The following ARPP21 variants were observed in gnomAD, a reference collection of about 807,000 sequenced individuals.
ARPP21 encodes the protein cAMP regulated phosphoprotein 21, also known as cAMP-regulated phosphoprotein 21.
A neutral mutation model predicts 113.2 loss-of-function variants in ARPP21; 69 were observed. That is an observed-to-expected ratio of 0.61 (90% CI 0.50 to 0.74). The LOEUF (loss-of-function observed/expected upper bound fraction) is 0.74, where lower values mean the gene tolerates loss of function less well. Ranked by LOEUF, ARPP21 falls within the 30% of genes least tolerant of loss-of-function variation. The probability of loss-of-function intolerance (pLI) is 0.00; values close to 1 mark genes in which losing one functional copy is unlikely to be tolerated. For missense variants in ARPP21, 1,070 were observed against 1,037.4 expected, an observed-to-expected ratio of 1.03 and a Z score of -0.43; for synonymous variants, 368 against 375.5, an observed-to-expected ratio of 0.98 and a Z score of 0.23.
intron 19 of ARPP21, among the ~76,000 whole-genome samples, chr3:35,789,513 C>A (rs1233935671): frequency 6.6e-6 from 1 of 151,288 alleles, no homozygotes. Context: ...CTAAAGTTTT[C>A]ATTTTGAAAT....
chr3:35,653,549 C>A (rs1438356070), intron 1 of ARPP21, among the ~76,000 whole-genome samples: 1 of 152,006 alleles, frequency 6.6e-6, no homozygotes, highest in Non-Finnish European at 1.5e-5. Flanking sequence ...CACGGACTAT[C>A]AGCTCCTGAT....
At chr3:35,685,239 T>C in intron 5 of ARPP21, 1 of 985,280 alleles carries the variant, frequency 1.0e-6, no homozygotes, top group Non-Finnish European at 1.2e-6. Context: ...TGGACCTAAG[T>C]CTAGTGTATC....
intron 19 of ARPP21, among the ~76,000 whole-genome samples, chr3:35,786,988 T>C (rs1577049906): frequency 6.6e-6 from 1 of 152,132 alleles, no homozygotes; most frequent in Non-Finnish European, 1.5e-5. Context: ...GTGCTATCAA[T>C]AGATGAAGCT....
At chr3:35,743,015 T>C (rs142033760) in intron 18 of ARPP21, among the ~76,000 whole-genome samples, 186 of 152,350 alleles carry the variant, frequency 1.2e-3, no homozygotes, top group African/African-American at 4.1e-3. Context: ...TTCTCAGTCA[T>C]AAGAAAGTTA....
At chr3:35,691,987 C>T (rs528634799) in intron 9 of ARPP21, among the ~76,000 whole-genome samples, 16 of 151,572 alleles carry the variant, frequency 1.1e-4, no homozygotes, top group African/African-American at 3.1e-4. Flanking sequence ...GGAGATGAGG[C>T]GCTTTCTCAA....
At chr3:35,753,787 A>G (rs1475423093) in intron 19 of ARPP21, among the ~76,000 whole-genome samples, 1 of 151,958 alleles carries the variant, frequency 6.6e-6, no homozygotes, top group Non-Finnish European at 1.5e-5. Context: ...AACAGCTCCA[A>G]GTAAGAAATA....
At chr3:35,741,088 C>T (rs2094629288) in intron 18 of ARPP21, among the ~76,000 whole-genome samples, 1 of 152,098 alleles carries the variant, frequency 6.6e-6, no homozygotes, top group South Asian at 2.1e-4. Context: ...GGAAACAATG[C>T]AAGACCCTAT....
At chr3:35,781,762 A>G (rs970510255) in intron 19 of ARPP21, among the ~76,000 whole-genome samples, 1 of 152,134 alleles carries the variant, frequency 6.6e-6, no homozygotes, top group African/African-American at 2.4e-5. Context: ...CATTGCTGTA[A>G]TATTGATGAA....
intron 19 of ARPP21, 140 bp from the exon 20 acceptor site, chr3:35,792,242 G>T: frequency 1.4e-6 from 1 of 698,770 alleles, no homozygotes; most frequent in Non-Finnish European, 2.5e-6. Context: ...GCATTCTTAG[G>T]GAATAAACAT....
rs113117535 is a variant in ARPP21, at chr3:35,789,928, C to A, written c.2138-2454C>A. Among the ~76,000 whole-genome samples the A allele has an allele frequency of 4.9e-3, 752 of 152,244 alleles. 1 individual carries two copies. Among genetic ancestry groups the A allele is most frequent in the Middle Eastern group, 0.01 (3 of 294 alleles). On this transcript the variant is annotated intron_variant, in intron 19 of 20. Coordinates refer to ENST00000684406, the MANE Select transcript of ARPP21 (RefSeq NM_001385562.1). ...TGTTAAGTGAATCTCTTATAGGCCA[C>A]CTAATTTATTTTCAAACAAATGCCT...
rs757542723 is a variant in ARPP21, at chr3:35,667,841, A to AAAGAAGAAGAAGAAGAAG, written c.-212-11914_-212-11897dup. ...GATCACCTGCAGTACTTTTATTCTC[A>AAAGAAGAAGAAGAAGAAG]AAGAAGAAGAAGAAGAAGAAGAAGA... On this transcript the variant is annotated intron_variant, in intron 1 of 20. Transcript: ENST00000684406. Among the ~76,000 whole-genome samples the AAAGAAGAAGAAGAAGAAG allele has an allele frequency of 6.4e-3, 522 of 81,490 alleles. 28 individuals carry two copies. Among genetic ancestry groups the AAAGAAGAAGAAGAAGAAG allele is most frequent in the African/African-American group, 0.015 (256 of 16,766 alleles). 53.5% of individuals were successfully genotyped at this position (81,490 alleles called of 152,430 possible). A position where few individuals can be genotyped will look rare whatever the true frequency, so the allele number is the denominator to read the frequency against.
intron 20 of ARPP21, among the ~76,000 whole-genome samples, chr3:35,793,413 C>T (rs1308652725): frequency 6.6e-6 from 1 of 152,198 alleles, no homozygotes; most frequent in Non-Finnish European, 1.5e-5. Context: ...GAACTAACAC[C>T]TTCTCAGCAT....
intron 5 of ARPP21, chr3:35,685,169 A>G (rs1181656265): frequency 2.0e-6 from 2 of 985,290 alleles, no homozygotes; most frequent in East Asian, 1.1e-4. Context: ...TTTTTGTCCC[A>G]TTTGACAAGG....
chr3:35,733,119 C>T (rs1288642268), intron 15 of ARPP21, among the ~76,000 whole-genome samples: 1 of 151,786 alleles, frequency 6.6e-6, no homozygotes, highest in African/African-American at 2.4e-5. Flanking sequence ...ACCAAGAGCG[C>T]ATGATTACTT....
At chr3:35,698,231 C>A (rs1391475519) in intron 9 of ARPP21, among the ~76,000 whole-genome samples, 1 of 151,578 alleles carries the variant, frequency 6.6e-6, no homozygotes, top group African/African-American at 2.4e-5. Context: ...ATTATATTTT[C>A]TCCATATTAT....
chr3:35,639,273 G>A (rs1697436033), upstream of ARPP21, among the ~76,000 whole-genome samples: 1 of 152,118 alleles, frequency 6.6e-6, no homozygotes, highest in African/African-American at 2.4e-5. This position sits in a 1 kb window ranked among gnomAD's most constrained non-coding sequence, Gnocchi z 5.0. Context: ...CACTCTGGAT[G>A]GGCCAGTTCT....
chr3:35,651,740 T>C (rs1381904167), intron 1 of ARPP21: 2 of 152,082 alleles, frequency 1.3e-5, no homozygotes, highest in South Asian at 2.1e-4. Context: ...TTTCTGGTGA[T>C]CATAGTTTTG....
chr3:35,653,953 T>C (rs984962548), intron 1 of ARPP21, among the ~76,000 whole-genome samples: 4 of 152,006 alleles, frequency 2.6e-5, no homozygotes, highest in Non-Finnish European at 5.9e-5. Flanking sequence ...TTCTATAGCA[T>C]TGGCTTTTAT....
intron 19 of ARPP21, among the ~76,000 whole-genome samples, chr3:35,745,278 A>G (rs1167027888): frequency 6.6e-6 from 1 of 152,312 alleles, no homozygotes; most frequent in Admixed American, 6.5e-5. Flanking sequence ...TAACGGTGCT[A>G]TCAGTTTAGA....
Sources: gnomAD v4.1 joint callset for allele counts (sites outside exome capture counted in the v4.1 genomes callset) on GRCh38, gnomAD v4.1.1 for gene constraint, Gnocchi (gnomAD v3.1) non-coding constraint, MANE v1.5 for transcripts, NCBI Gene and HGNC (gene_info 2026-07-23, HGNC 2026-07-21) for gene names.